GPR158: variants seen among roughly 807,000 people sequenced by gnomAD.
The protein encoded by GPR158 is metabotropic glycine receptor.
Under a neutral mutation model 78.2 loss-of-function variants are expected in GPR158, and 30 were observed. The ratio of observed to expected loss-of-function variants is 0.38; its 90% CI spans 0.29 to 0.52. The LOEUF is 0.52. Among genes scored for constraint, GPR158 ranks in the 20% least tolerant of loss-of-function variants. The pLI, the probability that GPR158 is intolerant of heterozygous loss-of-function variation, is 0.83. For missense variants in GPR158, 1,463 were observed against 1,523.5 expected, an observed-to-expected ratio of 0.96 and a Z score of 0.66; for synonymous variants, 581 against 591.1, an observed-to-expected ratio of 0.98 and a Z score of 0.25.
chr10:25,379,775 A>G (rs1268113581), intron 2 of GPR158, among the ~76,000 whole-genome samples: 3 of 148,500 alleles, frequency 2.0e-5, no homozygotes, highest in African/African-American at 7.4e-5. Context: ...CTTAGGTGGC[A>G]TCTCTTCTTC....
At chr10:25,253,453 C>T (rs1853843955) in intron 2 of GPR158, among the ~76,000 whole-genome samples, 1 of 152,142 alleles carries the variant, frequency 6.6e-6, no homozygotes, top group Non-Finnish European at 1.5e-5. Context: ...ATGTCAACCT[C>T]AGATACATGA....
intron 1 of GPR158, among the ~76,000 whole-genome samples, chr10:25,178,631 G>A (rs989630796): frequency 4.7e-4 from 72 of 152,310 alleles, no homozygotes; most frequent in African/African-American, 1.6e-3. Context: ...CACACAGCCA[G>A]CCATTTAGTG....
intron 8 of GPR158, chr10:25,594,072 C>G (rs1250369779): frequency 1.0e-5 from 4 of 383,482 alleles, no homozygotes; most frequent in South Asian, 8.0e-5. Context: ...GCCTTTCTTA[C>G]TATTGTTAAT....
intron 1 of GPR158, among the ~76,000 whole-genome samples, chr10:25,202,956 G>A (rs187442565): frequency 0.012 from 1,898 of 152,284 alleles, 41 homozygotes; most frequent in African/African-American, 0.044. Context: ...TCTAACTGGT[G>A]TGAGATGGTA....
chr10:25,580,188 T>A (rs1837169527), intron 7 of GPR158, among the ~76,000 whole-genome samples: 1 of 152,248 alleles, frequency 6.6e-6, no homozygotes, highest in Non-Finnish European at 1.5e-5. Context: ...CATTTGGAAA[T>A]TTTTAAATAT....
intron 5 of GPR158, among the ~76,000 whole-genome samples, chr10:25,515,694 T>C (rs1261956402): frequency 1.3e-5 from 2 of 149,340 alleles, no homozygotes; most frequent in East Asian, 3.9e-4. Flanking sequence ...ACAAAGGACA[T>C]GAACTCATCC....
At chr10:25,395,137 T>C (rs1248427942) in intron 2 of GPR158, among the ~76,000 whole-genome samples, 2 of 152,158 alleles carry the variant, frequency 1.3e-5, no homozygotes, top group African/African-American at 4.8e-5. Context: ...TAGGTTAAGC[T>C]AAATTTTACT....
chr10:25,227,784 A>G (rs1221909625), intron 2 of GPR158, among the ~76,000 whole-genome samples: 1 of 152,178 alleles, frequency 6.6e-6, no homozygotes, highest in Non-Finnish European at 1.5e-5. Flanking sequence ...TTTATGTACT[A>G]AATTTTCTAG....
chr10:25,577,007 A>C (rs1316562085), intron 7 of GPR158, among the ~76,000 whole-genome samples: 2 of 150,442 alleles, frequency 1.3e-5, no homozygotes, highest in African/African-American at 4.9e-5. Context: ...CATAATTTTA[A>C]AAAATAATAT....
chr10:25,320,481 A>C (rs1854932464), intron 2 of GPR158, among the ~76,000 whole-genome samples: 1 of 152,214 alleles, frequency 6.6e-6, no homozygotes, highest in Non-Finnish European at 1.5e-5. Context: ...CTTGTTAAAA[A>C]TGGCACCTGA....
chr10:25,429,798 C>A, intron 4 of GPR158, among the ~76,000 whole-genome samples: 1 of 142,808 alleles, frequency 7.0e-6, no homozygotes, highest in Non-Finnish European at 1.5e-5. Context: ...AGGCCTTTGA[C>A]AAAATTCAAC....
intron 2 of GPR158, among the ~76,000 whole-genome samples, chr10:25,236,586 GC>G (rs1450146332): frequency 1.3e-5 from 2 of 152,172 alleles, no homozygotes; most frequent in Non-Finnish European, 2.9e-5. Flanking sequence ...ATTCTACCAT[GC>G]TTTTTCATGT....
chr10:25,453,532 T>C (rs1440419253), intron 4 of GPR158, among the ~76,000 whole-genome samples: 1 of 152,204 alleles, frequency 6.6e-6, no homozygotes, highest in Non-Finnish European at 1.5e-5. Flanking sequence ...GTTGGCTATT[T>C]GTATGTTTTC....
chr10:25,477,185 C>T (rs762688361), intron 5 of GPR158, among the ~76,000 whole-genome samples: 2 of 151,768 alleles, frequency 1.3e-5, no homozygotes, highest in African/African-American at 4.8e-5. Flanking sequence ...AGAAGAAAAA[C>T]AAGAGAATTT....
intron 3 of GPR158, among the ~76,000 whole-genome samples, chr10:25,401,484 CTTTCA>C (rs1834445595): frequency 6.6e-6 from 1 of 152,178 alleles, no homozygotes; most frequent in African/African-American, 2.4e-5. Flanking sequence ...ATCTCAGATT[CTTTCA>C]TTTCACTTGT....
intron 5 of GPR158, among the ~76,000 whole-genome samples, chr10:25,501,721 A>G (rs1835947964): frequency 6.6e-6 from 1 of 152,208 alleles, no homozygotes; most frequent in South Asian, 2.1e-4. Context: ...TTGTACCTGC[A>G]AACTGGGTTG....
chr10:25,261,744 C>T (rs371143664), intron 2 of GPR158, among the ~76,000 whole-genome samples: 28 of 152,094 alleles, frequency 1.8e-4, no homozygotes, highest in Non-Finnish European at 3.7e-4. Context: ...AAATGATCTA[C>T]GCTTTTAACC....
chr10:25,311,800 A>T (rs1257542998), intron 2 of GPR158, among the ~76,000 whole-genome samples: 2 of 151,110 alleles, frequency 1.3e-5, no homozygotes, highest in Non-Finnish European at 2.9e-5. Flanking sequence ...TTAAAAGGAC[A>T]GTGGTAATCC....
At chr10:25,389,698 A>G (rs984340417) in intron 2 of GPR158, among the ~76,000 whole-genome samples, 2 of 152,270 alleles carry the variant, frequency 1.3e-5, no homozygotes, top group African/African-American at 2.4e-5. Context: ...GAAGGAAAGA[A>G]TAGAGAAGGA....
Sources: allele counts gnomAD v4.1 joint callset (sites outside exome capture counted in the v4.1 genomes callset), GRCh38; gene constraint gnomAD v4.1.1; transcripts MANE v1.5; gene names NCBI Gene and HGNC (gene_info 2026-07-23, HGNC 2026-07-21).